Variants in COL5A2 observed in about 807,000 individuals in gnomAD.
The protein encoded by COL5A2 is collagen type V alpha 2 chain, also known as collagen alpha-2(V) chain.
In COL5A2, 23 loss-of-function variants were observed where a neutral mutation model predicts 208.2. That is an observed-to-expected ratio of 0.11 (90% CI 0.08 to 0.16). COL5A2 has a LOEUF of 0.16. Ranked by LOEUF, COL5A2 falls within the 10% of genes least tolerant of loss-of-function variation. The probability of loss-of-function intolerance (pLI) is 1.00; values close to 1 mark genes in which losing one functional copy is unlikely to be tolerated. For missense variants in COL5A2, 1,590 were observed against 1,956.4 expected (o/e 0.81, Z 3.53); for synonymous variants, 625 against 628.5 (o/e 0.99, Z 0.08).
the COL5A2 span, among the ~76,000 whole-genome samples, chr2:189,293,233 A>G: frequency 6.6e-6 from 1 of 152,070 alleles, no homozygotes; most frequent in East Asian, 1.9e-4. Context: ...GTGCACATGT[A>G]CCCTAAAACT....
chr2:189,105,317 C>A (rs1331168733), intron 2 of COL5A2, among the ~76,000 whole-genome samples: 2 of 151,582 alleles, frequency 1.3e-5, no homozygotes, highest in Non-Finnish European at 3.0e-5. Context: ...CCACTTTACA[C>A]TCCACAAATA....
At chr2:189,278,407 A>C in the COL5A2 span, among the ~76,000 whole-genome samples, 1 of 152,228 alleles carries the variant, frequency 6.6e-6, no homozygotes, top group Admixed American at 6.5e-5. Flanking sequence ...ATTAAGGAGA[A>C]CATTCAGTCA....
chr2:189,172,922 GATTA>G (rs1446467003), intron 1 of COL5A2, among the ~76,000 whole-genome samples: 3 of 145,332 alleles, frequency 2.1e-5, no homozygotes, highest in Non-Finnish European at 3.0e-5. Flanking sequence ...AACAAAGTTT[GATTA>G]ATTAATTAAT....
intron 1 of COL5A2, among the ~76,000 whole-genome samples, chr2:189,120,091 T>G: frequency 6.6e-6 from 1 of 152,130 alleles, no homozygotes; most frequent in Non-Finnish European, 1.5e-5. Flanking sequence ...CGATAGTTAT[T>G]TATCTAGCAA....
At chr2:189,156,520 G>A (rs2105795184) in intron 1 of COL5A2, among the ~76,000 whole-genome samples, 1 of 152,208 alleles carries the variant, frequency 6.6e-6, no homozygotes, top group South Asian at 2.1e-4. Context: ...GTTTACTGCT[G>A]TATGTTGATA....
At chr2:189,097,492 G>C in intron 5 of COL5A2, 162 bp from the exon 6 acceptor site, 2 of 760,602 alleles carry the variant, frequency 2.6e-6, no homozygotes, top group South Asian at 3.0e-5. Context: ...TAAAAGTTCT[G>C]TACGCTTAGA....
intron 1 of COL5A2, among the ~76,000 whole-genome samples, chr2:189,136,295 C>T (rs1687824636): frequency 6.6e-6 from 1 of 151,676 alleles, no homozygotes; most frequent in African/African-American, 2.4e-5. Context: ...AACCTTACTG[C>T]TATGTACACA....
the COL5A2 span, among the ~76,000 whole-genome samples, chr2:189,268,112 T>G: frequency 6.6e-6 from 1 of 152,150 alleles, no homozygotes; most frequent in African/African-American, 2.4e-5. Flanking sequence ...AGTTCTGGTT[T>G]TATTTGTTCC....
chr2:189,413,311 C>T, the COL5A2 span, among the ~76,000 whole-genome samples: 3 of 152,148 alleles, frequency 2.0e-5, no homozygotes, highest in African/African-American at 7.2e-5. Flanking sequence ...ATTTCCCAAA[C>T]AGAGAATACT....
At chr2:189,190,719 T>G (rs1302953312) in intron 1 of COL5A2, among the ~76,000 whole-genome samples, 1 of 152,246 alleles carries the variant, frequency 6.6e-6, no homozygotes, top group Non-Finnish European at 1.5e-5. Flanking sequence ...TCCTAATGCA[T>G]GAGCATCAGT....
At chr2:189,066,232 T>A (rs917535897) in intron 23 of COL5A2, among the ~76,000 whole-genome samples, 158 bp downstream of exon 23, 1 of 152,272 alleles carries the variant, frequency 6.6e-6, no homozygotes, top group African/African-American at 2.4e-5. Context: ...GAATAATGAT[T>A]AGTCAGTTGG....
At chr2:189,119,707 T>C (rs1196125841) in intron 1 of COL5A2, among the ~76,000 whole-genome samples, 4 of 152,088 alleles carry the variant, frequency 2.6e-5, no homozygotes. Flanking sequence ...CTAAAATCTT[T>C]CAAAAATTTG....
At chr2:189,440,675 A>C in the COL5A2 span, among the ~76,000 whole-genome samples, 1 of 152,218 alleles carries the variant, frequency 6.6e-6, no homozygotes, top group South Asian at 2.1e-4. Flanking sequence ...GATACGTGTA[A>C]GTTTACAAAG....
rs1436390158 is a variant in COL5A2 at position 189,034,949 on chromosome 2, T to C, written c.4320A>G (p.Arg1440=). The C allele has an allele frequency of 6.2e-7, 1 of 1,613,816 alleles. No individual in the cohort carries two copies. Among genetic ancestry groups the C allele is most frequent in the Non-Finnish European group, 8.5e-7 (1 of 1,179,872 alleles). ...TGTCTTGAAGAACGATATACCGGAA[T>C]CTAATATTTCCCTCTGCTTTGATAT... ...DLDIKAEGNI[R]FRYIVLQDTC... Residue 1440 remains arginine (R), a synonymous_variant, in exon 53 of 54, where the codon AGA becomes AGG. Transcript: ENST00000374866.
At chr2:189,281,597 T>A in the COL5A2 span, among the ~76,000 whole-genome samples, 4 of 152,228 alleles carry the variant, frequency 2.6e-5, no homozygotes, top group African/African-American at 9.6e-5. Flanking sequence ...TTTTGATTAA[T>A]AACTACTCTC....
chr2:189,244,797 A>G, the COL5A2 span, among the ~76,000 whole-genome samples: 5 of 152,092 alleles, frequency 3.3e-5, no homozygotes, highest in Non-Finnish European at 5.9e-5. Context: ...ACTGGTACCA[A>G]TTTGCTGTAT....
the COL5A2 span, among the ~76,000 whole-genome samples, chr2:189,417,836 A>ATATGTGTATAG: frequency 1.3e-5 from 2 of 151,660 alleles, no homozygotes; most frequent in Admixed American, 1.3e-4. Flanking sequence ...ACACATACAT[A>ATATGTGTATAG]TATGTGTATA....
chr2:189,348,636 T>C, the COL5A2 span, among the ~76,000 whole-genome samples: 1 of 152,172 alleles, frequency 6.6e-6, no homozygotes, highest in Non-Finnish European at 1.5e-5. Context: ...AATGAAAGGA[T>C]GAGGCTATAT....
chr2:189,277,173 T>C, the COL5A2 span, among the ~76,000 whole-genome samples: 1 of 152,168 alleles, frequency 6.6e-6, no homozygotes, highest in Non-Finnish European at 1.5e-5. Context: ...GACCAAACTA[T>C]ACTAAGTGAT....
Sources: allele counts gnomAD v4.1 joint callset (sites outside exome capture counted in the v4.1 genomes callset), GRCh38; gene constraint gnomAD v4.1.1; transcripts MANE v1.5; gene names NCBI Gene and HGNC (gene_info 2026-07-23, HGNC 2026-07-21).